The following EPHA3 variants were observed in gnomAD, a reference collection of about 807,000 sequenced individuals.
The protein encoded by EPHA3 is EPH receptor A3, also known as ephrin type-A receptor 3.
A neutral mutation model predicts 107.1 loss-of-function variants in EPHA3; 42 were observed. The ratio of observed to expected loss-of-function variants is 0.39; its 90% CI spans 0.31 to 0.51. The LOEUF is 0.51. EPHA3 is among the 20% of genes least tolerant of loss of function. The pLI is 0.78. For missense variants in EPHA3, 1,183 were observed against 1,211.2 expected (o/e 0.98, Z 0.35); for synonymous variants, 461 against 424.8 (o/e 1.09, Z -1.05).
chr3:89,414,248 A>G (rs1219896099), intron 10 of EPHA3, among the ~76,000 whole-genome samples: 1 of 151,752 alleles, frequency 6.6e-6, no homozygotes, highest in Non-Finnish European at 1.5e-5. Flanking sequence ...GTATGCGAAC[A>G]GGACAATCTT....
At chr3:89,235,128 GC>G (rs1035077692) in intron 3 of EPHA3, among the ~76,000 whole-genome samples, 4 of 145,092 alleles carry the variant, frequency 2.8e-5, no homozygotes, top group African/African-American at 1.0e-4. Context: ...CTCCATGTTG[GC>G]CAGTCTGGTC....
chr3:89,195,552 C>T (rs1705819028), intron 2 of EPHA3, among the ~76,000 whole-genome samples: 1 of 152,164 alleles, frequency 6.6e-6, no homozygotes, highest in African/African-American at 2.4e-5. Flanking sequence ...ACCTCAGAGT[C>T]ATTTTCAGGT....
intron 5 of EPHA3, among the ~76,000 whole-genome samples, chr3:89,392,038 G>A (rs1229582236): frequency 1.3e-5 from 2 of 152,002 alleles, no homozygotes; most frequent in Non-Finnish European, 1.5e-5. Context: ...GCTAACTTGC[G>A]TCAATGCCTG....
intron 2 of EPHA3, among the ~76,000 whole-genome samples, chr3:89,150,881 C>T (rs747906804): frequency 3.9e-5 from 6 of 151,950 alleles, no homozygotes; most frequent in Non-Finnish European, 8.8e-5. Context: ...GAGGCTGATG[C>T]AGGAGGATCA....
chr3:89,355,502 C>T (rs1484527316), intron 5 of EPHA3, among the ~76,000 whole-genome samples: 2 of 151,346 alleles, frequency 1.3e-5, no homozygotes, highest in Non-Finnish European at 3.0e-5. Flanking sequence ...AATTCAGGTA[C>T]TGTCACTTAA....
At chr3:89,249,313 C>G (rs951450801) in intron 3 of EPHA3, among the ~76,000 whole-genome samples, 1 of 152,140 alleles carries the variant, frequency 6.6e-6, no homozygotes, top group Non-Finnish European at 1.5e-5. Context: ...CCTCTTGTTT[C>G]CTGTTTGGGC....
At chr3:89,254,726 G>A (rs1258556912) in intron 3 of EPHA3, among the ~76,000 whole-genome samples, 5 of 152,142 alleles carry the variant, frequency 3.3e-5, no homozygotes, top group Non-Finnish European at 5.9e-5. Flanking sequence ...CACATTGATA[G>A]CATTTAATAG....
chr3:89,273,713 A>G (rs1188034741), intron 3 of EPHA3, among the ~76,000 whole-genome samples: 1 of 149,274 alleles, frequency 6.7e-6, no homozygotes, highest in Non-Finnish European at 1.5e-5. Context: ...ATCAATACAT[A>G]GTCTTATTTT....
chr3:89,408,038 T>C (rs376253083), intron 8 of EPHA3, 29 bp from the exon 9 acceptor site: 12 of 1,605,752 alleles, frequency 7.5e-6, no homozygotes, highest in Non-Finnish European at 1.0e-5. Context: ...ATTCCTCTTA[T>C]GTGTTCGCTT....
At chr3:89,269,030 C>A (rs1409294564) in intron 3 of EPHA3, among the ~76,000 whole-genome samples, 1 of 152,034 alleles carries the variant, frequency 6.6e-6, no homozygotes, top group East Asian at 1.9e-4. Flanking sequence ...GGTATTATGG[C>A]ATTACTACTT....
At chr3:89,298,453 A>C (rs1190666350) in intron 3 of EPHA3, among the ~76,000 whole-genome samples, 3 of 152,196 alleles carry the variant, frequency 2.0e-5, no homozygotes, top group African/African-American at 7.2e-5. Context: ...CCATAGGGTC[A>C]TCCATTTCCC....
At chr3:89,142,605 C>A (rs1031246794) in intron 2 of EPHA3, among the ~76,000 whole-genome samples, 1 of 151,398 alleles carries the variant, frequency 6.6e-6, no homozygotes, top group African/African-American at 2.4e-5. Context: ...CTTATATTAA[C>A]GTGCTTTTAG....
chr3:89,393,324 T>A (rs965568121), intron 5 of EPHA3, among the ~76,000 whole-genome samples: 3 of 152,210 alleles, frequency 2.0e-5, no homozygotes, highest in Non-Finnish European at 4.4e-5. Flanking sequence ...TCAACAGTTA[T>A]AAAGTCCTGC....
At chr3:89,261,977 G>T (rs1022312050) in intron 3 of EPHA3, among the ~76,000 whole-genome samples, 1 of 151,722 alleles carries the variant, frequency 6.6e-6, no homozygotes, top group Non-Finnish European at 1.5e-5. Flanking sequence ...GTAAAATATT[G>T]ATATTATTTA....
In EPHA3 at chr3:89,383,478, A is replaced by G. The variant is rs199874015; in HGVS notation, c.1307-12359A>G. ...AAACCTTTTTTGAGAAGCTCCACAGAGAATCCTGCAAGCATCCACCTGCCC... is the reference window on the plus strand; with the variant it reads ...AAACCTTTTTTGAGAAGCTCCACAGGGAATCCTGCAAGCATCCACCTGCCC... On this transcript the variant is annotated intron_variant, in intron 5 of 16. Transcript: ENST00000336596. 1.4e-4 allele frequency among the ~76,000 whole-genome samples: 22 copies of G among 152,156 alleles called. No individual in the cohort carries two copies. In the East Asian group the frequency reaches 3.3e-3, roughly 23 times the overall value.
intron 1 of EPHA3, among the ~76,000 whole-genome samples, chr3:89,108,537 G>A (rs1247511598): frequency 2.0e-5 from 3 of 152,144 alleles, no homozygotes; most frequent in African/African-American, 7.2e-5. Context: ...ATGAATAGTG[G>A]ATAGCTCCTG....
At chr3:89,357,480 T>G (rs2107452838) in intron 5 of EPHA3, among the ~76,000 whole-genome samples, 1 of 151,318 alleles carries the variant, frequency 6.6e-6, no homozygotes, top group Non-Finnish European at 1.5e-5. Context: ...TTTACTTTTA[T>G]TTGTTTAGCT....
intron 5 of EPHA3, among the ~76,000 whole-genome samples, chr3:89,383,639 C>CTTTTTTT (rs71621546): frequency 8.0e-4 from 70 of 87,962 alleles, no homozygotes; most frequent in Non-Finnish European, 1.2e-3. Flanking sequence ...ACTTCTTCTT[C>CTTTTTTT]TTTTTTTTTT....
At chr3:89,369,182 G>T (rs141117154) in intron 5 of EPHA3, among the ~76,000 whole-genome samples, 1,685 of 150,756 alleles carry the variant, frequency 0.011, 42 homozygotes, top group African/African-American at 0.038. Context: ...AAAAGAGCCC[G>T]CATCACCAAG....
Sources: allele counts gnomAD v4.1 joint callset (sites outside exome capture counted in the v4.1 genomes callset), GRCh38; gene constraint gnomAD v4.1.1; transcripts MANE v1.5; gene names NCBI Gene and HGNC (gene_info 2026-07-23, HGNC 2026-07-21).